Variants in TMC5 observed in about 807,000 individuals in gnomAD.
TMC5 encodes transmembrane channel like 5.
Under a neutral mutation model 110.5 loss-of-function variants are expected in TMC5, and 86 were observed. The ratio of observed to expected loss-of-function variants is 0.78; its 90% confidence interval spans 0.65 to 0.93. The LOEUF (loss-of-function observed/expected upper bound fraction) is 0.93. Among genes scored for constraint, TMC5 ranks in the 40% least tolerant of loss-of-function variants. The probability of loss-of-function intolerance (pLI) is 0.00; values close to 1 mark genes in which losing one functional copy is unlikely to be tolerated. For missense variants in TMC5, 1,144 were observed against 1,222.8 expected (o/e 0.94, Z 0.96); for synonymous variants, 455 against 439.5 (o/e 1.04, Z -0.44).
chr16:19,469,880 A>G, intron 10 of TMC5, 55 bp downstream of exon 10: 3 of 1,574,278 alleles, frequency 1.9e-6, no homozygotes, highest in South Asian at 1.2e-5. Context: ...TCCCTTCTCC[A>G]GTATACCTGT....
At chr16:19,490,287 G>C (rs1597217906) in intron 17 of TMC5, 108 bp from the exon 18 acceptor site, 1 of 1,121,192 alleles carries the variant, frequency 8.9e-7, no homozygotes, top group East Asian at 2.4e-5. Flanking sequence ...ATTGGATCAG[G>C]CAAGACTTGA....
At chr16:19,447,202 C>T (rs1411931326) in intron 4 of TMC5, among the ~76,000 whole-genome samples, 2 of 152,144 alleles carry the variant, frequency 1.3e-5, no homozygotes, top group Admixed American at 6.6e-5. Context: ...CTTGGCTCTA[C>T]GTCATGGGTT....
rs893608125 is a variant in TMC5 at position 19,472,217 on chromosome 16, T to G, written c.1912T>G (p.Tyr638Asp). 1 of 1,614,004 alleles carries G rather than the reference T, an allele frequency of 6.2e-7. No homozygotes were observed. The highest frequency in any genetic ancestry group is 1.3e-5 in the African/African-American group (1 of 74,942). The change falls in exon 11 of 22, where the codon TAT becomes GAT. Residue 638 changes from tyrosine (Y) to aspartate (D), a missense_variant. Physicochemically the swap from Tyr to Asp is radical, Grantham distance 160. Coordinates refer to ENST00000542583, the MANE Select transcript of TMC5 (RefSeq NM_001261841.2). ...GVAIACCAAV[Y>D]YLAEYNLEFL... Reference sequence around the variant, plus strand: ...GGCCATAGCCTGCTGTGCAGCCGTTTATTACCTGGCTGAGTACAACTTAGA... The same window carrying G: ...GGCCATAGCCTGCTGTGCAGCCGTTGATTACCTGGCTGAGTACAACTTAGA...
intron 20 of TMC5, 103 bp downstream of exon 20, chr16:19,494,469 G>T: frequency 1.4e-6 from 1 of 725,252 alleles, no homozygotes; most frequent in South Asian, 1.7e-5. Context: ...TCATGGAAGG[G>T]CCCTTCACTC....
intron 14 of TMC5, among the ~76,000 whole-genome samples, chr16:19,480,315 G>C (rs1968586885): frequency 6.6e-6 from 1 of 151,950 alleles, no homozygotes; most frequent in Admixed American, 6.6e-5. Flanking sequence ...TTTAAATTTA[G>C]TAATTCATTT....
At chr16:19,421,091 G>A (rs542860671) in intron 1 of TMC5, among the ~76,000 whole-genome samples, 20 of 152,288 alleles carry the variant, frequency 1.3e-4, no homozygotes, top group Non-Finnish European at 2.2e-4. Context: ...TGGATCGCAA[G>A]GTTGTGTCTG....
intron 8 of TMC5, among the ~76,000 whole-genome samples, chr16:19,465,734 T>C (rs1344461990): frequency 6.6e-6 from 1 of 152,190 alleles, no homozygotes; most frequent in African/African-American, 2.4e-5. Flanking sequence ...ATAGGCTTGA[T>C]TCGTTTCCTA....
At chr16:19,444,439 A>T in intron 4 of TMC5, among the ~76,000 whole-genome samples, 189 bp downstream of exon 4, 1 of 152,166 alleles carries the variant, frequency 6.6e-6, no homozygotes. Flanking sequence ...GTCATCAATT[A>T]TAAAAAAAAT....
chr16:19,451,008 C>A (rs944398578), intron 5 of TMC5, among the ~76,000 whole-genome samples: 3 of 152,086 alleles, frequency 2.0e-5, no homozygotes, highest in Admixed American at 1.3e-4. Flanking sequence ...GGGGGTTATG[C>A]CTGTAATCCC....
chr16:19,473,526 G>A (rs1031386482), intron 11 of TMC5, among the ~76,000 whole-genome samples: 2 of 152,048 alleles, frequency 1.3e-5, no homozygotes, highest in Admixed American at 1.3e-4. Flanking sequence ...GTAAAAAAGG[G>A]AAAGCCACAG....
intron 12 of TMC5, among the ~76,000 whole-genome samples, chr16:19,474,508 C>A (rs1968438222): frequency 6.6e-6 from 1 of 152,000 alleles, no homozygotes; most frequent in African/African-American, 2.4e-5. Context: ...GGCAACATAG[C>A]CGGATGCTGG....
Position 19,463,322 on chromosome 16 carries a change from C to A in TMC5, c.1191C>A (p.Ile397=). 1 of 1,614,172 alleles carries A rather than the reference C, an allele frequency of 6.2e-7. No individual in the cohort carries two copies. Among genetic ancestry groups the A allele is most frequent in the Non-Finnish European group, 8.5e-7 (1 of 1,180,016 alleles). ...AAAAAAGCAAACAGACCCATCGTAT[C>A]CTTCAGCTCAATTGCTGTATTCAGT... is the stretch of plus-strand genomic sequence containing the variant. The part of the protein sequence containing the change: ...DKEKSKQTHR[I]LQLNCCIQCL... Residue 397 remains isoleucine, a synonymous_variant, in exon 7 of 22, where the codon ATC becomes ATA. Transcript: ENST00000542583.
intron 2 of TMC5, among the ~76,000 whole-genome samples, chr16:19,434,085 A>C (rs61525901): frequency 9.7e-5 from 2 of 20,714 alleles, no homozygotes; most frequent in Non-Finnish European, 1.5e-4. Context: ...TATATAATAT[A>C]TATATATCTA....
At chr16:19,460,998 A>G (rs1324874688) in intron 6 of TMC5, among the ~76,000 whole-genome samples, 4 of 152,182 alleles carry the variant, frequency 2.6e-5, no homozygotes, top group African/African-American at 9.7e-5. Flanking sequence ...TTTACAAAAA[A>G]TGAAAATTAA....
intron 2 of TMC5, among the ~76,000 whole-genome samples, chr16:19,434,400 ATATATC>A (rs1967289911): frequency 7.8e-6 from 1 of 128,900 alleles, no homozygotes; most frequent in Non-Finnish European, 1.6e-5. Flanking sequence ...GATATAATAT[ATATATC>A]ATATATATCT....
chr16:19,479,787 A>G (rs1281975146), intron 14 of TMC5, among the ~76,000 whole-genome samples: 2 of 152,118 alleles, frequency 1.3e-5, no homozygotes, highest in African/African-American at 2.4e-5. Flanking sequence ...AAAAGACAGA[A>G]ACTGAGCCAT....
At chr16:19,449,214 G>T (rs1967693140) in intron 4 of TMC5, among the ~76,000 whole-genome samples, 1 of 151,952 alleles carries the variant, frequency 6.6e-6, no homozygotes, top group South Asian at 2.1e-4. Flanking sequence ...TTGAACTTTT[G>T]GGCTCAAGTA....
In TMC5 at chr16:19,486,929, C is replaced by G. The variant is rs1378623078; in HGVS notation, c.2364-16C>G. On this transcript the variant is annotated splice_polypyrimidine_tract_variant and intron_variant, in intron 15 of 21. Coordinates refer to ENST00000542583, the MANE Select transcript of TMC5 (RefSeq NM_001261841.2). ...GTCTCCGCCAGCCTCTGACACTCAC[C>G]CTCTCTCCCTCACAGGATTGGCATC... is the stretch of plus-strand genomic sequence containing the variant. 1.9e-6 allele frequency: 3 copies of G among 1,612,444 alleles called. No homozygotes were observed. The highest frequency in any genetic ancestry group is 2.5e-6 in the Non-Finnish European group (3 of 1,178,664).
Position 19,443,694 on chromosome 16 carries a change from A to G in TMC5, c.789-387A>G, listed in dbSNP as rs540774187. On this transcript the variant is annotated intron_variant, in intron 3 of 21. Transcript: ENST00000542583. The stretch of plus-strand genomic sequence containing the variant: ...AATGGATGGATGGATGAATACATTA[A>G]TGAATGGATGGATACATGGATGGAT... 2.6e-4 allele frequency among the ~76,000 whole-genome samples: 39 copies of G among 152,292 alleles called. 1 individual carries two copies. The highest frequency in any genetic ancestry group is 8.7e-4 in the African/African-American group (36 of 41,556).
Sources: allele counts gnomAD v4.1 joint callset (sites outside exome capture counted in the v4.1 genomes callset), GRCh38; gene constraint gnomAD v4.1.1; transcripts MANE v1.5; gene names NCBI Gene and HGNC (gene_info 2026-07-23, HGNC 2026-07-21).